Variants in PSMD1 observed in about 807,000 individuals in gnomAD.
The protein encoded by PSMD1 is proteasome 26S subunit, non-ATPase 1.
Under a neutral mutation model 119.0 loss-of-function variants are expected in PSMD1, and 18 were observed. That is an observed-to-expected ratio of 0.15 (90% CI 0.10 to 0.22). The LOEUF (loss-of-function observed/expected upper bound fraction) is 0.22, where lower values mean the gene tolerates loss of function less well. Ranked by LOEUF, PSMD1 falls within the 10% of genes least tolerant of loss-of-function variation. The pLI, the probability that PSMD1 is intolerant of heterozygous loss-of-function variation, is 1.00. For synonymous variants in PSMD1, 374 were observed against 396.6 expected, an observed-to-expected ratio of 0.94 and a Z score of 0.68; for missense variants, 702 against 1,158.5, an observed-to-expected ratio of 0.61 and a Z score of 5.72.
chr2:231,081,625 A>G, intron 12 of PSMD1, among the ~76,000 whole-genome samples: 1 of 152,198 alleles, frequency 6.6e-6, no homozygotes, highest in East Asian at 1.9e-4. Context: ...TGGCTAGGGG[A>G]AGGTGGGAGA....
chr2:231,164,063 A>G (rs1409010808), intron 21 of PSMD1, among the ~76,000 whole-genome samples: 4 of 152,178 alleles, frequency 2.6e-5, no homozygotes, highest in African/African-American at 9.7e-5. Context: ...CAATGTATAC[A>G]GATCTCATTT....
At chr2:231,073,479 C>T (rs7590986) in intron 7 of PSMD1, among the ~76,000 whole-genome samples, 22,289 of 151,814 alleles carry the variant, frequency 0.15, 3,393 homozygotes, top group African/African-American at 0.39. Flanking sequence ...AATTTTGATT[C>T]TTTTTTCTTT....
At chr2:231,136,428 T>C (rs983433467) in intron 16 of PSMD1, among the ~76,000 whole-genome samples, 4 of 152,350 alleles carry the variant, frequency 2.6e-5, no homozygotes, top group Non-Finnish European at 2.9e-5. Context: ...ACGGGCCAGA[T>C]TGGGCCCTTG....
At chr2:231,076,706 A>C (rs1038743609) in intron 8 of PSMD1, among the ~76,000 whole-genome samples, 1 of 152,140 alleles carries the variant, frequency 6.6e-6, no homozygotes, top group Non-Finnish European at 1.5e-5. Flanking sequence ...CAGTTTTCTC[A>C]GTTTCAAGTA....
At chr2:231,090,947 G>A (rs912232613) in intron 16 of PSMD1, among the ~76,000 whole-genome samples, 2 of 152,186 alleles carry the variant, frequency 1.3e-5, no homozygotes, top group Admixed American at 6.5e-5. Context: ...AGATGCTGTC[G>A]ACATTGTTGA....
At position 231,170,782 on chromosome 2, in the gene PSMD1, T is replaced by G; in HGVS notation, c.*9+61T>G. On this transcript the variant is annotated intron_variant, in intron 24 of 24. Coordinates refer to ENST00000308696, the MANE Select transcript of PSMD1 (RefSeq NM_002807.4). This position sits in a 1 kb window ranked among gnomAD's most constrained non-coding sequence, Gnocchi z 4.1. ...TTGTCAATACTTCACAAATGTTTTT[T>G]GCAAGGACATCATCTCACGTTTTTC... is the stretch of plus-strand genomic sequence containing the variant. The G allele has an allele frequency of 6.8e-7, 1 of 1,473,598 alleles. No homozygotes were observed. The highest frequency in any genetic ancestry group is 1.4e-5 in the South Asian group (1 of 71,668). 91.3% of individuals were successfully genotyped at this position (1,473,598 alleles called of 1,614,324 possible).
chr2:231,126,793 T>C (rs929166837), intron 16 of PSMD1, among the ~76,000 whole-genome samples: 8 of 152,174 alleles, frequency 5.3e-5, no homozygotes, highest in Non-Finnish European at 1.0e-4. Context: ...TAAGTCTGTT[T>C]AATGTCTAAG....
At chr2:231,093,352 C>T (rs187075794) in intron 16 of PSMD1, among the ~76,000 whole-genome samples, 4 of 152,264 alleles carry the variant, frequency 2.6e-5, no homozygotes, top group Admixed American at 6.5e-5. Flanking sequence ...GAGCAGGATT[C>T]GCTCAGCCTC....
chr2:231,096,728 G>C (rs921073576), intron 16 of PSMD1, among the ~76,000 whole-genome samples: 7 of 152,252 alleles, frequency 4.6e-5, no homozygotes, highest in Non-Finnish European at 8.8e-5. Context: ...AGGGGAAAGC[G>C]TTCTTATCCC....
chr2:231,078,791 C>CTTTTTTTTTTTTTT (rs748353083), intron 10 of PSMD1, 44 bp downstream of exon 10: 10 of 342,878 alleles, frequency 2.9e-5, no homozygotes, highest in South Asian at 8.5e-5. Context: ...AAATCTTTTT[C>CTTTTTTTTTTTTTT]TTTTTTTTTT....
At chr2:231,113,588 A>G (rs969307063) in intron 16 of PSMD1, 4 of 787,828 alleles carry the variant, frequency 5.1e-6, no homozygotes, top group African/African-American at 1.7e-5. Context: ...ATGCAGTGAC[A>G]TAAGGAGCTT....
At chr2:231,152,627 A>G (rs76649970) in intron 18 of PSMD1, among the ~76,000 whole-genome samples, 3,299 of 152,278 alleles carry the variant, frequency 0.022, 133 homozygotes, top group African/African-American at 0.075. Flanking sequence ...AAGACAAATG[A>G]AAAGGGGGAA....
At chr2:231,073,624 T>A (rs1694092111) in intron 7 of PSMD1, among the ~76,000 whole-genome samples, 1 of 152,180 alleles carries the variant, frequency 6.6e-6, no homozygotes, top group African/African-American at 2.4e-5. Context: ...AATCCAGGAA[T>A]ATGGTGATCT....
At chr2:231,164,255 C>T (rs1391446738) in intron 21 of PSMD1, among the ~76,000 whole-genome samples, 3 of 152,102 alleles carry the variant, frequency 2.0e-5, no homozygotes, top group Non-Finnish European at 4.4e-5. Flanking sequence ...AGGTTAGAAT[C>T]CTGGATGTCA....
chr2:231,117,547 T>A (rs1695386807), intron 16 of PSMD1, among the ~76,000 whole-genome samples: 1 of 152,274 alleles, frequency 6.6e-6, no homozygotes, highest in Non-Finnish European at 1.5e-5. Context: ...GGGTCTTGTC[T>A]TATAGACAAT....
chr2:231,071,315 A>G (rs1328244523), intron 6 of PSMD1, among the ~76,000 whole-genome samples: 3 of 152,164 alleles, frequency 2.0e-5, no homozygotes, highest in East Asian at 3.9e-4. Flanking sequence ...TTAAAATAAT[A>G]TATTTTTGAG....
intron 16 of PSMD1, among the ~76,000 whole-genome samples, chr2:231,137,272 TG>T (rs1695995097): frequency 1.3e-5 from 2 of 151,638 alleles, no homozygotes; most frequent in African/African-American, 4.8e-5. Flanking sequence ...CCCACCACCA[TG>T]CCTGGCTAAT....
At chr2:231,064,373 G>C (rs532552218) in intron 4 of PSMD1, among the ~76,000 whole-genome samples, 1 of 152,152 alleles carries the variant, frequency 6.6e-6, no homozygotes, top group Non-Finnish European at 1.5e-5. Context: ...ATGAGGCTGA[G>C]TTTTAGTTAT....
chr2:231,147,324 A>G (rs1696275156), intron 18 of PSMD1, among the ~76,000 whole-genome samples: 1 of 152,054 alleles, frequency 6.6e-6, no homozygotes, highest in Non-Finnish European at 1.5e-5. Context: ...GGGAGGCCCC[A>G]TCACTACAAA....
Sources: gnomAD v4.1 joint callset for allele counts (sites outside exome capture counted in the v4.1 genomes callset) on GRCh38, gnomAD v4.1.1 for gene constraint, Gnocchi (gnomAD v3.1) non-coding constraint, MANE v1.5 for transcripts, NCBI Gene and HGNC (gene_info 2026-07-23, HGNC 2026-07-21) for gene names.